SYT1: variants seen among roughly 807,000 people sequenced by gnomAD.
SYT1 encodes the protein synaptotagmin 1.
Under a neutral mutation model 44.8 loss-of-function variants are expected in SYT1, and 8 were observed. The observed-to-expected ratio is 0.18, with a 90% confidence interval of 0.10 to 0.32. SYT1 has a LOEUF of 0.32. Among genes scored for constraint, SYT1 ranks in the 10% least tolerant of loss-of-function variants. SYT1 has a pLI of 1.00. For synonymous variants in SYT1, 154 were observed against 188.8 expected, an observed-to-expected ratio of 0.82 and a Z score of 1.51; for missense variants, 286 against 509.3, an observed-to-expected ratio of 0.56 and a Z score of 4.22.
At chr12:78,918,513 C>A (rs895221144) in intron 1 of SYT1, among the ~76,000 whole-genome samples, 1 of 151,996 alleles carries the variant, frequency 6.6e-6, no homozygotes, top group Non-Finnish European at 1.5e-5. Flanking sequence ...ACATTTTGGC[C>A]CCTTTTCAAA....
intron 2 of SYT1, among the ~76,000 whole-genome samples, chr12:78,992,664 T>TA (rs34132280): frequency 2.0e-5 from 3 of 152,134 alleles, no homozygotes; most frequent in African/African-American, 4.8e-5. Context: ...GAAAACCCCC[T>TA]AAAAAATACC....
intron 9 of SYT1, among the ~76,000 whole-genome samples, chr12:79,391,034 G>T (rs187983635): frequency 1.0e-3 from 158 of 152,274 alleles, no homozygotes; most frequent in African/African-American, 3.6e-3. Context: ...GTAACTAACT[G>T]CCTGCAAGGT....
intron 4 of SYT1, among the ~76,000 whole-genome samples, chr12:79,266,352 A>G (rs892969875): frequency 1.3e-5 from 2 of 152,168 alleles, no homozygotes; most frequent in African/African-American, 4.8e-5. Context: ...TATATATGGT[A>G]TTACTCAGGT....
intron 2 of SYT1, among the ~76,000 whole-genome samples, chr12:79,020,269 G>A (rs1330999182): frequency 2.0e-5 from 3 of 151,852 alleles, no homozygotes; most frequent in Admixed American, 6.6e-5. Context: ...GCAGCATGTT[G>A]CGAATGTGAC....
intron 4 of SYT1, among the ~76,000 whole-genome samples, chr12:79,249,486 C>A (rs964368656): frequency 4.6e-5 from 7 of 152,124 alleles, no homozygotes; most frequent in Non-Finnish European, 8.8e-5. Flanking sequence ...AGGAGACAGA[C>A]TCTAAAGGAC....
chr12:79,001,041 GC>G (rs781069486), intron 2 of SYT1, among the ~76,000 whole-genome samples: 1 of 152,050 alleles, frequency 6.6e-6, no homozygotes, highest in Non-Finnish European at 1.5e-5. Flanking sequence ...TAATGTGATT[GC>G]CCATGGAATC....
chr12:79,344,063 C>T (rs1002491), intron 8 of SYT1, among the ~76,000 whole-genome samples: 7,463 of 152,224 alleles, frequency 0.049, 339 homozygotes, highest in African/African-American at 0.11. Flanking sequence ...ATTTCCCAGC[C>T]AGAAGAACCT....
chr12:79,140,175 T>C (rs1316401965), intron 3 of SYT1, among the ~76,000 whole-genome samples: 1 of 152,206 alleles, frequency 6.6e-6, no homozygotes, highest in African/African-American at 2.4e-5. Context: ...GCTTAAAATA[T>C]GAGGCATATA....
In SYT1 at chr12:78,879,126, T is replaced by C. The variant is rs1432891473; in HGVS notation, c.-217+14017T>C. Among the ~76,000 whole-genome samples the C allele has an allele frequency of 4.6e-5, 7 of 151,786 alleles. No individual in the cohort carries two copies. In the South Asian group the frequency reaches 1.2e-3, roughly 27 times the overall value. On this transcript the variant is annotated intron_variant, in intron 1 of 10. Coordinates refer to ENST00000261205, the MANE Select transcript of SYT1 (RefSeq NM_005639.3). ...TGGAAGAAGAGGATATTGGCAAGTA[T>C]TTGAAGAGATAAGCTGCATCAGGAA...
rs576598878 is a variant in SYT1, at chr12:79,097,421, C to A, written c.-18+50059C>A. On this transcript the variant is annotated intron_variant, in intron 3 of 10. Transcript: ENST00000261205. ...TTGTCATCCTCTAAGATGCATGAGA[C>A]TGCCAGAATGACCTGTTAGCCAGAG... Among the ~76,000 whole-genome samples the A allele has an allele frequency of 3.8e-4, 58 of 152,076 alleles. No individual in the cohort carries two copies. In the South Asian group the frequency reaches 9.6e-3, roughly 25 times the overall value.
chr12:78,972,970 G>A (rs1868485561), intron 1 of SYT1, among the ~76,000 whole-genome samples: 1 of 152,038 alleles, frequency 6.6e-6, no homozygotes, highest in African/African-American at 2.4e-5. Flanking sequence ...CGAACTTAAA[G>A]TCTCAGAGAA....
intron 9 of SYT1, among the ~76,000 whole-genome samples, chr12:79,434,480 C>T (rs1869975108): frequency 1.3e-5 from 2 of 152,094 alleles, no homozygotes; most frequent in Admixed American, 1.3e-4. Flanking sequence ...TTGAAACTGC[C>T]AGTGGTAGAA....
intron 4 of SYT1, among the ~76,000 whole-genome samples, chr12:79,232,314 G>T (rs970650840): frequency 6.6e-6 from 1 of 152,174 alleles, no homozygotes; most frequent in African/African-American, 2.4e-5. Flanking sequence ...ACTTTTCTGC[G>T]AGAAGGACTT....
intron 3 of SYT1, among the ~76,000 whole-genome samples, chr12:79,191,902 C>T (rs1873153630): frequency 6.6e-6 from 1 of 151,798 alleles, no homozygotes; most frequent in African/African-American, 2.4e-5. Context: ...TAGCCATAAC[C>T]GTGCAGAAGA....
chr12:79,063,925 G>C (rs1276874319), intron 3 of SYT1, among the ~76,000 whole-genome samples: 2 of 152,138 alleles, frequency 1.3e-5, no homozygotes, highest in African/African-American at 4.8e-5. Context: ...TCCTAGGCGA[G>C]ATTGGTTTCT....
At chr12:79,121,659 C>A (rs928245537) in intron 3 of SYT1, among the ~76,000 whole-genome samples, 2 of 152,162 alleles carry the variant, frequency 1.3e-5, no homozygotes, top group African/African-American at 4.8e-5. Context: ...AGACAGCTAA[C>A]GAGCAATGAG....
At chr12:79,411,016 A>G (rs1417869721) in intron 9 of SYT1, among the ~76,000 whole-genome samples, 1 of 152,230 alleles carries the variant, frequency 6.6e-6, no homozygotes, top group Non-Finnish European at 1.5e-5. Flanking sequence ...TAGTCAGTAT[A>G]TTAGATAAGC....
intron 8 of SYT1, among the ~76,000 whole-genome samples, chr12:79,311,849 C>T (rs1329228194): frequency 8.1e-6 from 1 of 123,802 alleles, no homozygotes; most frequent in East Asian, 2.4e-4. Flanking sequence ...AGGGGAACAT[C>T]ACACTCTGGG....
Position 79,223,945 on chromosome 12 carries a change from C to G in SYT1, c.166+6260C>G, listed in dbSNP as rs1875330504. 2.0e-5 allele frequency among the ~76,000 whole-genome samples: 3 copies of G among 152,310 alleles called. No homozygotes were observed. The South Asian group carries it at 6.2e-4, about 32-fold the overall frequency. ...GTATCTCTTTCTGCACCTGTGCTGC[C>G]TGGGGCTAGGGAAAGAGTGATGCAG... On this transcript the variant is annotated intron_variant, in intron 4 of 10. Transcript: ENST00000261205.
Sources: allele counts gnomAD v4.1 joint callset (sites outside exome capture counted in the v4.1 genomes callset), GRCh38; gene constraint gnomAD v4.1.1; transcripts MANE v1.5; gene names NCBI Gene and HGNC (gene_info 2026-07-23, HGNC 2026-07-21).